Variants in AKAP10 observed in about 807,000 individuals in gnomAD.
AKAP10 encodes A-kinase anchor protein 10, mitochondrial.
AKAP10 carries 24 observed loss-of-function variants against 80.8 expected under a neutral mutation model. That is an observed-to-expected ratio of 0.30 (90% CI 0.22 to 0.42). AKAP10 has a LOEUF of 0.42. Among genes scored for constraint, AKAP10 ranks in the 10% least tolerant of loss-of-function variants. AKAP10 has a pLI of 1.00. For synonymous variants in AKAP10, 291 were observed against 277.7 expected, an observed-to-expected ratio of 1.05 and a Z score of -0.48; for missense variants, 661 against 794.9, an observed-to-expected ratio of 0.83 and a Z score of 2.03.
intron 1 of AKAP10, among the ~76,000 whole-genome samples, 178 bp from the exon 2 acceptor site, chr17:19,968,639 C>T (rs1443546611): frequency 1.3e-5 from 2 of 152,114 alleles, no homozygotes; most frequent in Non-Finnish European, 2.9e-5. Flanking sequence ...AAGGAAGTGA[C>T]CTTGGAACAG....
Position 19,906,117 on chromosome 17 carries a change from A to G in AKAP10, c.*110T>C, listed in dbSNP as rs999138066. 4.9e-6 allele frequency: 6 copies of G among 1,216,140 alleles called. No individual in the cohort carries two copies. The highest frequency in any genetic ancestry group is 7.1e-6 in the Non-Finnish European group (6 of 844,680). 75.3% of individuals were successfully genotyped at this position (1,216,140 alleles called of 1,614,324 possible). ...CCATTCTCTCCTGGAAACAACAGTG[A>G]CAGATCAGAAATATAGTGCTGTTTT... is the stretch of plus-strand genomic sequence containing the variant. On this transcript the variant is annotated 3_prime_UTR_variant, in exon 15 of 15. Transcript: ENST00000225737.
At chr17:19,957,680 T>C (rs2043295777) in intron 4 of AKAP10, among the ~76,000 whole-genome samples, 1 of 152,176 alleles carries the variant, frequency 6.6e-6, no homozygotes. Context: ...ATCTGCAAAG[T>C]GCAGTAAAAT....
In AKAP10 at chr17:19,943,734, A is replaced by T. The variant is rs550496470; in HGVS notation, c.977-1824T>A. Reference sequence around the variant, plus strand: ...AACTCCAATTTATAGAAGGTCAGTCAGAAGCACAGGCCACAACTTGTACTT... The same window carrying T: ...AACTCCAATTTATAGAAGGTCAGTCTGAAGCACAGGCCACAACTTGTACTT... On this transcript the variant is annotated intron_variant, in intron 5 of 14. Coordinates refer to ENST00000225737, the MANE Select transcript of AKAP10 (RefSeq NM_007202.4). Among the ~76,000 whole-genome samples, 8 of 152,376 alleles carry T rather than the reference A, an allele frequency of 5.3e-5. No homozygotes were observed. The South Asian group carries it at 1.2e-3, about 24-fold the overall frequency.
At chr17:19,961,000 CTG>C (rs1468550761) in intron 3 of AKAP10, among the ~76,000 whole-genome samples, 1 of 151,346 alleles carries the variant, frequency 6.6e-6, no homozygotes, top group Non-Finnish European at 1.5e-5. Context: ...GCACTCCAGC[CTG>C]TGAGACTCCG....
chr17:19,914,814 T>C (rs576465261), intron 12 of AKAP10, among the ~76,000 whole-genome samples: 2 of 151,908 alleles, frequency 1.3e-5, no homozygotes, highest in Non-Finnish European at 2.9e-5. Flanking sequence ...AGCCATGAAA[T>C]AGCAACTGCA....
At chr17:19,948,428 C>T (rs2043159785) in intron 4 of AKAP10, among the ~76,000 whole-genome samples, 1 of 152,068 alleles carries the variant, frequency 6.6e-6, no homozygotes, top group South Asian at 2.1e-4. Context: ...AGGAAATCCC[C>T]TGGGTTGTTT....
In AKAP10 at chr17:19,906,065, A is replaced by G; in HGVS notation, c.*162T>C. ...ATCAATTATGCCTACAGGTAACTGC[A>G]TTATGGTGGAAGTCTAGGATTGTCT... is the stretch of plus-strand genomic sequence containing the variant. On this transcript the variant is annotated 3_prime_UTR_variant, in exon 15 of 15. Transcript: ENST00000225737. 1.4e-6 allele frequency: 1 copy of G among 706,936 alleles called. No homozygotes were observed. The allele number at this position is 706,936 out of a possible 1,614,324, so 43.8% of individuals were successfully genotyped here.
chr17:19,961,943 CTG>C (rs1395366813), intron 3 of AKAP10, among the ~76,000 whole-genome samples: 1 of 152,052 alleles, frequency 6.6e-6, no homozygotes, highest in African/African-American at 2.4e-5. Flanking sequence ...TAGTGAGACC[CTG>C]TCTCTACAAA....
In AKAP10 at chr17:19,955,036, A is replaced by G. The variant is rs903190904; in HGVS notation, c.877+2978T>C. 6.6e-5 allele frequency among the ~76,000 whole-genome samples: 10 copies of G among 152,064 alleles called. 1 individual carries two copies. Among genetic ancestry groups the G allele is most frequent in the Admixed American group, 5.2e-4 (8 of 15,264 alleles). Reference sequence around the variant, plus strand: ...AGAGTTTGAGACCAGCCTGGCCAACATGGTGAAACCCCATTTCTACTAAAA... The same window carrying G: ...AGAGTTTGAGACCAGCCTGGCCAACGTGGTGAAACCCCATTTCTACTAAAA... On this transcript the variant is annotated intron_variant, in intron 4 of 14. Transcript: ENST00000225737.
chr17:19,936,214 T>A, intron 9 of AKAP10, 72 bp downstream of exon 9: 4 of 1,514,694 alleles, frequency 2.6e-6, no homozygotes, highest in Non-Finnish European at 3.6e-6. Context: ...TGCTTGGTTT[T>A]CCCACCTTAT....
At chr17:19,976,442 G>A (rs1190283560) in intron 1 of AKAP10, among the ~76,000 whole-genome samples, 1 of 151,534 alleles carries the variant, frequency 6.6e-6, no homozygotes, top group Non-Finnish European at 1.5e-5. Context: ...GACTGAGATC[G>A]CGCCATTGCA....
At chr17:19,918,838 T>C (rs977389645) in intron 12 of AKAP10, among the ~76,000 whole-genome samples, 5 of 152,230 alleles carry the variant, frequency 3.3e-5, no homozygotes, top group African/African-American at 1.2e-4. Context: ...AGATTTCTGT[T>C]GTCTAACCCT....
intron 10 of AKAP10, among the ~76,000 whole-genome samples, chr17:19,930,666 A>T (rs557179942): frequency 6.6e-6 from 1 of 152,208 alleles, no homozygotes; most frequent in South Asian, 2.1e-4. Flanking sequence ...ATTTGAGGTC[A>T]GGGGTTCAAG....
intron 8 of AKAP10, among the ~76,000 whole-genome samples, chr17:19,938,216 C>A (rs958497352): frequency 6.8e-6 from 1 of 147,208 alleles, no homozygotes; most frequent in Non-Finnish European, 1.5e-5. Context: ...TGTGAGCCAC[C>A]GGTACCCAGA....
rs116542986 is a variant in AKAP10 at position 19,945,187 on chromosome 17, T to C, written c.976+2220A>G. Among the ~76,000 whole-genome samples, 941 of 152,298 alleles carry C rather than the reference T, an allele frequency of 6.2e-3. 10 individuals are homozygous for C. The highest frequency in any genetic ancestry group is 0.022 in the African/African-American group (903 of 41,562). On this transcript the variant is annotated intron_variant, in intron 5 of 14. Transcript: ENST00000225737. ...GATCCTTCAGAAGACTTTTCCTTCA[T>C]GGGATTACATCATCATTAATTTGAT...
intron 14 of AKAP10, among the ~76,000 whole-genome samples, chr17:19,907,024 G>GTT (rs771422153): frequency 1.4e-5 from 2 of 138,684 alleles, no homozygotes; most frequent in Admixed American, 7.2e-5. Context: ...GTTTTTTTTT[G>GTT]TTTTTTTTTT....
intron 5 of AKAP10, among the ~76,000 whole-genome samples, chr17:19,946,237 T>TATATTATA (rs1491288818): frequency 1.3e-4 from 2 of 15,176 alleles, no homozygotes; most frequent in Non-Finnish European, 2.0e-4. Context: ...TATATATATA[T>TATATTATA]TATATATATA....
At chr17:19,967,220 A>G (rs1259594368) in intron 2 of AKAP10, among the ~76,000 whole-genome samples, 1 of 152,232 alleles carries the variant, frequency 6.6e-6, no homozygotes. Flanking sequence ...TGTACACTGG[A>G]CAAATAAAAT....
At position 19,924,408 on chromosome 17, in the gene AKAP10, C is replaced by T; in HGVS notation, c.1751G>A (p.Gly584Glu). 1.3e-6 allele frequency: 2 copies of T among 1,568,416 alleles called. No homozygotes were observed. Among genetic ancestry groups the T allele is most frequent in the South Asian group, 1.2e-5 (1 of 82,910 alleles). Residue 584 changes from glycine to glutamate, a missense_variant and splice_region_variant, in exon 11 of 15, where the codon GGG becomes GAG. Transcript: ENST00000225737. ...AATTCTAGGCATGAGCTAAGCTTACCCGGCATATGTCCGTTGATATAAAGA... is the reference window on the plus strand; with the variant it reads ...AATTCTAGGCATGAGCTAAGCTTACTCGGCATATGTCCGTTGATATAAAGA... ...PESLYQRTYA[G>E]KMTFGRVSDL...
Sources: gnomAD v4.1 joint callset for allele counts (sites outside exome capture counted in the v4.1 genomes callset) on GRCh38, gnomAD v4.1.1 for gene constraint, MANE v1.5 for transcripts, NCBI Gene and HGNC (gene_info 2026-07-23, HGNC 2026-07-21) for gene names.